Variants in HEG1 observed in about 807,000 individuals in gnomAD.
HEG1 encodes heart development protein with EGF like domains 1.
Under a neutral mutation model 125.6 loss-of-function variants are expected in HEG1, and 56 were observed. That is an observed-to-expected ratio of 0.45 (90% CI 0.36 to 0.56). HEG1 has a LOEUF of 0.56. HEG1 is among the 20% of genes least tolerant of loss of function. HEG1 has a pLI of 0.00. For synonymous variants in HEG1, 644 were observed against 668.5 expected, an observed-to-expected ratio of 0.96 and a Z score of 0.57; for missense variants, 1,523 against 1,670.0, an observed-to-expected ratio of 0.91 and a Z score of 1.53.
chr3:124,979,750 G>A (rs1360175479), intron 14 of HEG1, among the ~76,000 whole-genome samples: 1 of 152,080 alleles, frequency 6.6e-6, no homozygotes, highest in Non-Finnish European at 1.5e-5. Context: ...TGGCTAACAC[G>A]GTGAAACCCC....
intron 1 of HEG1, among the ~76,000 whole-genome samples, chr3:125,035,814 C>T (rs1937542985): frequency 6.6e-6 from 1 of 151,984 alleles, no homozygotes; most frequent in South Asian, 2.1e-4. Context: ...CAAGTCAGAA[C>T]AAATCCTAGA....
intron 8 of HEG1, among the ~76,000 whole-genome samples, chr3:125,009,252 C>T (rs1937115540): frequency 6.6e-6 from 1 of 151,372 alleles, no homozygotes; most frequent in African/African-American, 2.4e-5. Context: ...GTAGGACAAT[C>T]AGAGTTTTAC....
intron 4 of HEG1, 123 bp downstream of exon 4, chr3:125,020,669 C>A (rs936431378): frequency 2.8e-6 from 2 of 724,508 alleles, no homozygotes; most frequent in Non-Finnish European, 4.6e-6. Flanking sequence ...CATCAAAATG[C>A]AATAGTGCCA....
rs1182061052 is a variant in HEG1, at chr3:125,012,678, G to A, written c.2901C>T (p.Thr967=). 1.9e-6 allele frequency: 3 copies of A among 1,613,806 alleles called. No individual in the cohort carries two copies. Among genetic ancestry groups the A allele is most frequent in the Non-Finnish European group, 2.5e-6 (3 of 1,179,878 alleles). Residue 967 remains threonine (T), a synonymous_variant, in exon 6 of 17, where the codon ACC becomes ACT. Transcript: ENST00000311127. ...ACTGTGTGCTGCTCTGAACAGCAAA[G>A]GTGGCAGATTTGGGAGCCAAGTCTT... is the stretch of plus-strand genomic sequence containing the variant. The part of the protein sequence containing the change: ...TAEDLAPKSA[T]FAVQSSTQSP...
In HEG1 at chr3:124,987,867, G is replaced by C. The variant is rs943418829; in HGVS notation, c.3733+2920C>G. ...ATCTTAGGATCAGGTCCGCAGGCTT[G>C]TGATGTAACCTCTACTCTTAGCCTT... On this transcript the variant is annotated intron_variant, in intron 14 of 16. Transcript: ENST00000311127. 6.0e-4 allele frequency among the ~76,000 whole-genome samples: 89 copies of C among 148,998 alleles called. 1 individual carries two copies. The highest frequency in any genetic ancestry group is 1.3e-3 in the African/African-American group (55 of 40,758).
chr3:124,981,782 A>G (rs1936658660), intron 14 of HEG1, among the ~76,000 whole-genome samples: 1 of 152,220 alleles, frequency 6.6e-6, no homozygotes, highest in African/African-American at 2.4e-5. Flanking sequence ...GCCTCGGGTA[A>G]TGGTGGATAA....
chr3:125,017,117 T>G (rs1021872190), intron 5 of HEG1, among the ~76,000 whole-genome samples: 1 of 152,006 alleles, frequency 6.6e-6, no homozygotes, highest in African/African-American at 2.4e-5. Flanking sequence ...TGCAGTGGCA[T>G]GATCTCAGTT....
In HEG1 at chr3:125,010,394, C is replaced by G. The variant is rs772921362; in HGVS notation, c.3073+45G>C. On this transcript the variant is annotated intron_variant, in intron 7 of 16. Transcript: ENST00000311127. Reference sequence around the variant, plus strand: ...AAAAGGAGTTTATTGGGTAGCCCAACGTGGTACTGTGGTGCAGACCACTGG... The same window carrying G: ...AAAAGGAGTTTATTGGGTAGCCCAAGGTGGTACTGTGGTGCAGACCACTGG... The G allele has an allele frequency of 1.1e-5, 13 of 1,225,786 alleles. 1 individual carries two copies. The South Asian group carries it at 1.8e-4, about 17-fold the overall frequency. The allele number at this position is 1,225,786 out of a possible 1,614,324, so 75.9% of individuals were successfully genotyped here.
In HEG1 at chr3:124,977,873, A is replaced by C; in HGVS notation, c.3807T>G (p.Ile1269Met). The part of the protein sequence containing the change: ...GLLLILGIAL[I>M]VTCCRKNKND... The stretch of plus-strand genomic sequence containing the variant: ...TCATCACTTACCTGCAACAGGTAAC[A>C]ATCAGTGCGATGCCTAGGATGAGCA... Residue 1269 changes from isoleucine to methionine, a missense_variant, in exon 15 of 17, where the codon ATT (isoleucine) becomes ATG (methionine). Physicochemically the swap from Ile to Met is conservative, Grantham distance 10 (BLOSUM62 1). Transcript: ENST00000311127. The C allele has an allele frequency of 1.3e-6, 2 of 1,571,324 alleles. No homozygotes were observed. Among genetic ancestry groups the C allele is most frequent in the Non-Finnish European group, 1.7e-6 (2 of 1,157,816 alleles).
intron 3 of HEG1, 136 bp from the exon 4 acceptor site, chr3:125,021,266 T>C (rs1449326494): frequency 6.1e-6 from 4 of 658,036 alleles, no homozygotes; most frequent in Non-Finnish European, 1.0e-5. Context: ...GATACAAACA[T>C]ATCTATACAC....
intron 13 of HEG1, 37 bp downstream of exon 13, chr3:124,990,907 T>C: frequency 6.4e-7 from 1 of 1,554,408 alleles, no homozygotes; most frequent in Non-Finnish European, 8.7e-7. Context: ...TAAATAAGAT[T>C]TGTAACAAAA....
At chr3:125,042,751 A>C (rs7430444) in intron 1 of HEG1, among the ~76,000 whole-genome samples, 92,929 of 152,006 alleles carry the variant, frequency 0.61, 28,797 homozygotes, top group East Asian at 0.79. Flanking sequence ...CATACCTTCC[A>C]CCAAGGGTCC....
intron 15 of HEG1, among the ~76,000 whole-genome samples, chr3:124,976,370 C>T (rs867892246): frequency 3.9e-5 from 6 of 151,962 alleles, no homozygotes; most frequent in African/African-American, 1.2e-4. Flanking sequence ...ATATTTTTGG[C>T]GGAGACAGGG....
rs1262257859 is a variant in HEG1, at chr3:125,012,971, G to A, written c.2608C>T (p.Pro870Ser). 3.7e-6 allele frequency: 6 copies of A among 1,613,912 alleles called. No individual in the cohort carries two copies. The highest frequency in any genetic ancestry group is 5.1e-6 in the Non-Finnish European group (6 of 1,179,906). ...CCAGCTGTAGTCTGTACGGCTATAG[G>A]GCCAGTGACCAGAGATGCTGTGCTT... ...LSSTASLVTG[P>S]IAVQTTAGKQ... is the part of the protein sequence containing the mutation. The change falls in exon 6 of 17, where the codon CCT becomes TCT. Residue 870 changes from proline (P) to serine (S), a missense_variant. By Grantham distance (74) the Pro-to-Ser change is moderately conservative. Transcript: ENST00000311127.
chr3:125,021,411 A>T (rs1478688241), intron 3 of HEG1, among the ~76,000 whole-genome samples: 1 of 152,004 alleles, frequency 6.6e-6, no homozygotes, highest in Non-Finnish European at 1.5e-5. Flanking sequence ...TTTGTTTTTT[A>T]AAGAGAAAGA....
At chr3:125,020,555 G>A (rs1937319261) in intron 4 of HEG1, among the ~76,000 whole-genome samples, 1 of 152,210 alleles carries the variant, frequency 6.6e-6, no homozygotes, top group East Asian at 1.9e-4. Flanking sequence ...AAATGGCCAG[G>A]CACCCATTAC....
At chr3:124,985,392 T>A in intron 14 of HEG1, among the ~76,000 whole-genome samples, 1 of 152,172 alleles carries the variant, frequency 6.6e-6, no homozygotes, top group Non-Finnish European at 1.5e-5. Flanking sequence ...TGTTATTTTT[T>A]AAAAAAGGAA....
chr3:124,981,514 T>C (rs866211294), intron 14 of HEG1, among the ~76,000 whole-genome samples: 11 of 152,312 alleles, frequency 7.2e-5, no homozygotes, highest in African/African-American at 2.4e-4. Flanking sequence ...CCACAAGCCT[T>C]GTTAAAACCC....
chr3:124,988,714 C>G (rs966938222), intron 14 of HEG1, among the ~76,000 whole-genome samples: 4 of 152,014 alleles, frequency 2.6e-5, no homozygotes, highest in African/African-American at 9.7e-5. Flanking sequence ...GTCAAGAGAT[C>G]GGGACCATCC....
Sources: gnomAD v4.1 joint callset for allele counts (sites outside exome capture counted in the v4.1 genomes callset) on GRCh38, gnomAD v4.1.1 for gene constraint, MANE v1.5 for transcripts, NCBI Gene and HGNC (gene_info 2026-07-23, HGNC 2026-07-21) for gene names.